Variants in SEMA5A observed in about 807,000 individuals in gnomAD.
SEMA5A encodes semaphorin-5A.
Under a neutral mutation model 135.5 loss-of-function variants are expected in SEMA5A, and 55 were observed. The ratio of observed to expected loss-of-function variants is 0.41; its 90% CI spans 0.33 to 0.51. The LOEUF (loss-of-function observed/expected upper bound fraction) is 0.51. Among genes scored for constraint, SEMA5A ranks in the 20% least tolerant of loss-of-function variants. The pLI is 0.37. For missense variants in SEMA5A, 1,290 were observed against 1,419.9 expected, an observed-to-expected ratio of 0.91 and a Z score of 1.47; for synonymous variants, 580 against 546.5, an observed-to-expected ratio of 1.06 and a Z score of -0.85.
At chr5:9,392,794 G>C (rs1401189422) in intron 2 of SEMA5A, among the ~76,000 whole-genome samples, 1 of 152,178 alleles carries the variant, frequency 6.6e-6, no homozygotes, top group Non-Finnish European at 1.5e-5. Context: ...AACCAAGATA[G>C]TCATTTTCCA....
intron 11 of SEMA5A, among the ~76,000 whole-genome samples, chr5:9,187,678 A>G (rs1744882330): frequency 6.6e-6 from 1 of 152,236 alleles, no homozygotes; most frequent in South Asian, 2.1e-4. Context: ...TACATGTACA[A>G]CACAATTGAA....
chr5:9,214,969 G>T (rs1041410795), intron 8 of SEMA5A, among the ~76,000 whole-genome samples: 1 of 152,132 alleles, frequency 6.6e-6, no homozygotes, highest in African/African-American at 2.4e-5. Context: ...GGAGAGAAGC[G>T]CCCCTTCCCC....
At chr5:9,389,602 T>C (rs540429695) in intron 2 of SEMA5A, among the ~76,000 whole-genome samples, 4 of 152,274 alleles carry the variant, frequency 2.6e-5, no homozygotes, top group Admixed American at 2.6e-4. Flanking sequence ...GTGAGTGTCT[T>C]GACAATCCTT....
At chr5:9,371,551 C>T (rs898834611) in intron 3 of SEMA5A, among the ~76,000 whole-genome samples, 23 of 152,172 alleles carry the variant, frequency 1.5e-4, no homozygotes, top group African/African-American at 5.5e-4. Context: ...AGAAAACTGA[C>T]AATATATTTT....
chr5:9,454,932 G>A (rs988624466), intron 1 of SEMA5A, among the ~76,000 whole-genome samples: 4 of 152,218 alleles, frequency 2.6e-5, no homozygotes, highest in Non-Finnish European at 4.4e-5. Flanking sequence ...ATTCAGAGAT[G>A]TACTAATAAA....
At chr5:9,461,091 G>A (rs1248763859) in intron 1 of SEMA5A, among the ~76,000 whole-genome samples, 4 of 152,100 alleles carry the variant, frequency 2.6e-5, no homozygotes, top group African/African-American at 7.2e-5. Context: ...TCATGGAAAC[G>A]CCTCTTTCCT....
At chr5:9,217,263 T>A (rs996839074) in intron 8 of SEMA5A, among the ~76,000 whole-genome samples, 1 of 152,196 alleles carries the variant, frequency 6.6e-6, no homozygotes, top group Non-Finnish European at 1.5e-5. Flanking sequence ...GGATATGAAA[T>A]TCTTGGTTGA....
intron 18 of SEMA5A, among the ~76,000 whole-genome samples, chr5:9,056,513 G>C (rs953345233): frequency 1.3e-5 from 2 of 152,302 alleles, no homozygotes; most frequent in South Asian, 2.1e-4. Flanking sequence ...CCTGAGGCCA[G>C]GAGTTCGAGA....
intron 5 of SEMA5A, among the ~76,000 whole-genome samples, chr5:9,310,928 T>G (rs889798530): frequency 1.3e-5 from 2 of 151,660 alleles, no homozygotes; most frequent in Middle Eastern, 3.4e-3. Context: ...TTTCTTCATA[T>G]GTGGAGACAT....
chr5:9,519,236 C>T (rs1048175772), intron 1 of SEMA5A, among the ~76,000 whole-genome samples: 10 of 152,062 alleles, frequency 6.6e-5, no homozygotes, highest in African/African-American at 2.4e-4. Flanking sequence ...AGGTGAGTAT[C>T]CCACTTTCAA....
chr5:9,408,736 A>G (rs1053244662), intron 2 of SEMA5A, among the ~76,000 whole-genome samples: 3 of 152,226 alleles, frequency 2.0e-5, no homozygotes, highest in Non-Finnish European at 4.4e-5. Context: ...TCACAGAACT[A>G]AAATTTGAAT....
intron 12 of SEMA5A, among the ~76,000 whole-genome samples, chr5:9,144,431 CTT>C (rs1560958296): frequency 6.6e-6 from 1 of 152,206 alleles, no homozygotes; most frequent in African/African-American, 2.4e-5. Flanking sequence ...ATTCACCTAA[CTT>C]AACAGTTTGA....
chr5:9,243,626 A>T (rs1042227065), intron 5 of SEMA5A, among the ~76,000 whole-genome samples: 1 of 152,174 alleles, frequency 6.6e-6, no homozygotes, highest in African/African-American at 2.4e-5. Context: ...GTAACAATTT[A>T]TTAAATGTGT....
In SEMA5A at chr5:9,088,312, A is replaced by G. The variant is rs558370678; in HGVS notation, c.2073+19828T>C. 6.8e-4 allele frequency among the ~76,000 whole-genome samples: 102 copies of G among 150,974 alleles called. 1 individual carries two copies. Among genetic ancestry groups the G allele is most frequent in the South Asian group, 2.1e-3 (10 of 4,822 alleles). ...AGTGAGACTCCATCTCAAAAAAAAA[A>G]AAAAAAGAAAAGAAAAGAAAGAAAG... On this transcript the variant is annotated intron_variant, in intron 16 of 22. Coordinates refer to ENST00000382496, the MANE Select transcript of SEMA5A (RefSeq NM_003966.3).
chr5:9,230,623 GA>G (rs1326105872), intron 6 of SEMA5A, among the ~76,000 whole-genome samples: 1 of 152,008 alleles, frequency 6.6e-6, no homozygotes, highest in African/African-American at 2.4e-5. Context: ...TGAGTGTGTG[GA>G]AAAAAAGGAG....
intron 8 of SEMA5A, among the ~76,000 whole-genome samples, chr5:9,223,526 A>G (rs1229326526): frequency 2.0e-5 from 3 of 152,300 alleles, no homozygotes; most frequent in Non-Finnish European, 2.9e-5. Context: ...ATGCTGCTAG[A>G]CATCCTACTA....
At chr5:9,156,878 TTAAG>T (rs1742984101) in intron 11 of SEMA5A, among the ~76,000 whole-genome samples, 1 of 152,266 alleles carries the variant, frequency 6.6e-6, no homozygotes, top group Non-Finnish European at 1.5e-5. Context: ...TTTCAAATTC[TTAAG>T]TAATTGTGGA....
chr5:9,167,832 A>T (rs1383450897), intron 11 of SEMA5A, among the ~76,000 whole-genome samples: 1 of 152,092 alleles, frequency 6.6e-6, no homozygotes, highest in Admixed American at 6.6e-5. Flanking sequence ...CTTATTCATG[A>T]CCACCGTCAT....
At chr5:9,211,609 G>C (rs1274091480) in intron 8 of SEMA5A, among the ~76,000 whole-genome samples, 2 of 152,028 alleles carry the variant, frequency 1.3e-5, no homozygotes, top group Non-Finnish European at 2.9e-5. Flanking sequence ...GTCAGCACCT[G>C]GTCCCAAGGA....
Sources: allele counts gnomAD v4.1 joint callset (sites outside exome capture counted in the v4.1 genomes callset), GRCh38; gene constraint gnomAD v4.1.1; transcripts MANE v1.5; gene names NCBI Gene and HGNC (gene_info 2026-07-23, HGNC 2026-07-21).